EPM2AIP1: variants seen among roughly 807,000 people sequenced by gnomAD.
EPM2AIP1 encodes the protein EPM2A-interacting protein 1.
A neutral mutation model predicts 44.8 loss-of-function variants in EPM2AIP1; 23 were observed. That is an observed-to-expected ratio of 0.51 (90% confidence interval 0.37 to 0.73). The LOEUF (loss-of-function observed/expected upper bound fraction) is 0.73. EPM2AIP1 is among the 30% of genes least tolerant of loss of function. The pLI, the probability that EPM2AIP1 is intolerant of heterozygous loss-of-function variation, is 0.00. For missense variants in EPM2AIP1, 652 were observed against 743.9 expected, an observed-to-expected ratio of 0.88 and a Z score of 1.44; for synonymous variants, 311 against 284.3, an observed-to-expected ratio of 1.09 and a Z score of -0.94.
Position 36,993,006 on chromosome 3 carries a change from C to T in EPM2AIP1, c.72G>A (p.Gln24=). Residue 24 remains glutamine, a synonymous_variant, in exon 1 of 1, where the codon CAG becomes CAA. Coordinates refer to ENST00000322716, the MANE Select transcript of EPM2AIP1 (RefSeq NM_014805.4). ...CCGGAGGCTCCACCACCAAATAACGCTGGGTCCACTCGGGCCGGAAAACTA... is the reference window on the plus strand; with the variant it reads ...CCGGAGGCTCCACCACCAAATAACGTTGGGTCCACTCGGGCCGGAAAACTA... ...EALVFRPEWT[Q]RYLVVEPPEG... 2 of 1,612,900 alleles carry T rather than the reference C, an allele frequency of 1.2e-6. No homozygotes were observed. Among genetic ancestry groups the T allele is most frequent in the Non-Finnish European group, 8.5e-7 (1 of 1,179,692 alleles).
chr3:36,991,893 ACT>A lies in EPM2AIP1; in HGVS notation c.1183_1184del (p.Ser395Ter). 2 of 1,614,016 alleles carry A rather than the reference ACT, an allele frequency of 1.2e-6. No homozygotes were observed. Among genetic ancestry groups the A allele is most frequent in the Non-Finnish European group, 1.7e-6 (2 of 1,179,876 alleles). On this transcript the variant is annotated frameshift_variant, in exon 1 of 1. Coordinates refer to ENST00000322716, the MANE Select transcript of EPM2AIP1 (RefSeq NM_014805.4). LOFTEE classifies it high-confidence loss of function. ...AGACTTTACTAACTCGTAATTCTTC[ACT>A]GAGTTCTCGAAGGTGTTCCATAATG... The part of the protein sequence containing the change: ...VDIMEHLREL[S>X]EELRVSKVFA...
Position 36,991,718 on chromosome 3 carries a change from T to A in EPM2AIP1, c.1360A>T (p.Ile454Leu). ...ATTTGATACCTATCAGGATCAAATA[T>A]TTTTTCATCTTCCTTATTTTGCTGT... ...LKQQNKEDEK[I>L]FDPDRYQMVI... The change falls in exon 1 of 1, where the codon ATA (isoleucine) becomes TTA (leucine). Residue 454 changes from isoleucine to leucine, a missense_variant. By Grantham distance (5) the Ile-to-Leu change is conservative. Transcript: ENST00000322716. 6.2e-7 allele frequency: 1 copy of A among 1,613,682 alleles called. No individual in the cohort carries two copies. Among genetic ancestry groups the A allele is most frequent in the African/African-American group, 1.3e-5 (1 of 75,040 alleles).
chr3:36,991,950 T>C lies in EPM2AIP1; in HGVS notation c.1128A>G (p.Gln376=), dbSNP rs983941435. ...CCAAGAAGCCAAAGTCACAAAGCCA[T>C]TGTTTGTCTGAGAAGTGGACTGTTG... The part of the protein sequence containing the change: ...GATTVHFSDK[Q]WLCDFGFLVD... The change falls in exon 1 of 1, where the codon CAA becomes CAG. Residue 376 remains glutamine, a synonymous_variant. Transcript: ENST00000322716. The C allele has an allele frequency of 1.9e-6, 3 of 1,613,988 alleles. No individual in the cohort carries two copies. The highest frequency in any genetic ancestry group is 1.7e-6 in the Non-Finnish European group (2 of 1,179,882).
In EPM2AIP1 at chr3:36,992,046, T is replaced by C. The variant is rs946938072; in HGVS notation, c.1032A>G (p.Arg344=). Residue 344 remains arginine, a synonymous_variant, in exon 1 of 1, where the codon AGA becomes AGG. Coordinates refer to ENST00000322716, the MANE Select transcript of EPM2AIP1 (RefSeq NM_014805.4). The surrounding 1 kb of genome is among the most constrained non-coding windows in gnomAD (Gnocchi z 5.3). The stretch of plus-strand genomic sequence containing the variant: ...AGAATATTAGTTTTAAAGTTTTCCC[T>C]CTCCTAAGCCAATTGTTCAGACATC... ...NGRCLNNWLR[R]GKTLKLIFSL... 5.0e-6 allele frequency: 8 copies of C among 1,613,982 alleles called. No homozygotes were observed. Among genetic ancestry groups the C allele is most frequent in the Admixed American group, 3.3e-5 (2 of 60,014 alleles).
Position 36,991,288 on chromosome 3 carries a change from T to C in EPM2AIP1, c.1790A>G (p.Asp597Gly). The C allele has an allele frequency of 6.2e-7, 1 of 1,613,132 alleles. No homozygotes were observed. Among genetic ancestry groups the C allele is most frequent in the Non-Finnish European group, 8.5e-7 (1 of 1,179,200 alleles). The change falls in exon 1 of 1, where the codon GAC becomes GGC. Residue 597 changes from aspartate (D) to glycine (G), a missense_variant. Asp to Gly is a moderately conservative substitution (Grantham distance 94). Coordinates refer to ENST00000322716, the MANE Select transcript of EPM2AIP1 (RefSeq NM_014805.4). ...AGATTCATTTCTTTCTCTCACAAGG[T>C]CATCCCAACCGGGCTCCATTTCAGT... ...ATTEMEPGWDDLVRERNESNP is the reference protein window; with the variant it reads ...ATTEMEPGWDGLVRERNESNP
rs1420275539 is a variant in EPM2AIP1, at chr3:36,987,450, T to TA, written c.*3803dup. ...AATTTAAAAAAAAAAAAAAAATATA[T>TA]ATATATATATGACACTGTTTACAAA... On this transcript the variant is annotated 3_prime_UTR_variant, in exon 1 of 1. Transcript: ENST00000322716. 14 of 148,748 alleles carry TA rather than the reference T, an allele frequency of 9.4e-5. No individual in the cohort carries two copies. Among genetic ancestry groups the TA allele is most frequent in the African/African-American group, 3.4e-4 (14 of 40,910 alleles). The allele number at this position is 148,748 out of a possible 1,614,324, so 9.2% of individuals were successfully genotyped here.
chr3:36,992,272 C>T lies in EPM2AIP1; in HGVS notation c.806G>A (p.Ser269Asn). Reference sequence around the variant, plus strand: ...ATGAATGACATTCCAACAGTTGGGGCTTACGGCCTTTTCTCTCATGTATGA... The same window carrying T: ...ATGAATGACATTCCAACAGTTGGGGTTTACGGCCTTTTCTCTCATGTATGA... Reference protein sequence around the residue: ...LVSYMREKAVSPNCWNVIHYS... With the variant: ...LVSYMREKAVNPNCWNVIHYS... Residue 269 changes from serine to asparagine, a missense_variant, in exon 1 of 1, where the codon AGC becomes AAC. Transcript: ENST00000322716. The surrounding 1 kb of genome is among the most constrained non-coding windows in gnomAD (Gnocchi z 5.3). 1 of 1,613,970 alleles carries T rather than the reference C, an allele frequency of 6.2e-7. No individual in the cohort carries two copies. The highest frequency in any genetic ancestry group is 8.5e-7 in the Non-Finnish European group (1 of 1,179,890).
rs1253828354 is a variant in EPM2AIP1 at position 36,992,759 on chromosome 3, G to C, written c.319C>G (p.Leu107Val). Residue 107 changes from leucine to valine, a missense_variant, in exon 1 of 1, where the codon CTC becomes GTC. By Grantham distance (32) the Leu-to-Val change is conservative. Transcript: ENST00000322716. This position sits in a 1 kb window ranked among gnomAD's most constrained non-coding sequence, Gnocchi z 5.3. ...CAGCCGCGACCCTTCAAGGCCAAGA[G>C]GCGGCAGAGCCCGAGGCCTGCACGA... The part of the protein sequence containing the change: ...AARAGLGLCR[L>V]LALKGRGWGE... The C allele has an allele frequency of 1.1e-5, 17 of 1,613,718 alleles. No individual in the cohort carries two copies. The highest frequency in any genetic ancestry group is 1.3e-5 in the African/African-American group (1 of 74,944).
Position 36,992,226 on chromosome 3 carries a change from C to G in EPM2AIP1, c.852G>C (p.Leu284Phe), listed in dbSNP as rs773481069. The G allele has an allele frequency of 1.2e-6, 2 of 1,613,974 alleles. No individual in the cohort carries two copies. The highest frequency in any genetic ancestry group is 2.2e-5 in the East Asian group (1 of 44,888). ...CTACATCATAGGAGCTCAACAGTTC[C>G]AAGTGAAGAAATCCTGAATAATGAA... Reference protein sequence around the residue: ...NVIHYSGFLHLELLSSYDVDV... With the variant: ...NVIHYSGFLHFELLSSYDVDV... The change falls in exon 1 of 1, where the codon TTG (leucine) becomes TTC (phenylalanine). Residue 284 changes from leucine to phenylalanine, a missense_variant. By Grantham distance (22) the Leu-to-Phe change is conservative. Coordinates refer to ENST00000322716, the MANE Select transcript of EPM2AIP1 (RefSeq NM_014805.4). The surrounding 1 kb of genome is among the most constrained non-coding windows in gnomAD (Gnocchi z 5.3).
rs774653008 is a variant in EPM2AIP1 at position 36,992,585 on chromosome 3, G to A, written c.493C>T (p.Leu165Phe). 8.1e-6 allele frequency: 13 copies of A among 1,613,918 alleles called. No individual in the cohort carries two copies. The Admixed American group carries it at 8.3e-5, about 10-fold the overall frequency. Reference sequence around the variant, plus strand: ...TTAAAGTCCCTGGCTCGGTTAAAAAGCTGGTTGCGTAGATTCCTGTCAATG... The same window carrying A: ...TTAAAGTCCCTGGCTCGGTTAAAAAACTGGTTGCGTAGATTCCTGTCAATG... ...LSIDRNLRNQLFNRARDFKAY... is the reference protein window; with the variant it reads ...LSIDRNLRNQFFNRARDFKAY... The change falls in exon 1 of 1, where the codon CTT becomes TTT. Residue 165 changes from leucine to phenylalanine, a missense_variant. Leu to Phe is a conservative substitution (Grantham distance 22, BLOSUM62 0). Coordinates refer to ENST00000322716, the MANE Select transcript of EPM2AIP1 (RefSeq NM_014805.4). This position sits in a 1 kb window ranked among gnomAD's most constrained non-coding sequence, Gnocchi z 5.3.
rs752692722 is a variant in EPM2AIP1, at chr3:36,991,995, G to A, written c.1083C>T (p.Phe361=). Residue 361 remains phenylalanine, a synonymous_variant, in exon 1 of 1, where the codon TTC becomes TTT. Transcript: ENST00000322716. ...IFSLRKEMEA[F]LVSVGATTVH... Reference sequence around the variant, plus strand: ...CTGTTGTTGCCCCTACTGAAACCAAGAACGCTTCCATTTCTTTTCTTAGAG... The same window carrying A: ...CTGTTGTTGCCCCTACTGAAACCAAAAACGCTTCCATTTCTTTTCTTAGAG... 1 of 1,613,756 alleles carries A rather than the reference G, an allele frequency of 6.2e-7. No individual in the cohort carries two copies. The highest frequency in any genetic ancestry group is 8.5e-7 in the Non-Finnish European group (1 of 1,179,848).
rs560587638 is a variant in EPM2AIP1, at chr3:36,986,506, T to C, written c.*4748A>G. ...ATTAAAAGCCAGTTTTGCCGCCGGGTGCAGAGGCTCACACGTATAACACCA... is the reference window on the plus strand; with the variant it reads ...ATTAAAAGCCAGTTTTGCCGCCGGGCGCAGAGGCTCACACGTATAACACCA... On this transcript the variant is annotated 3_prime_UTR_variant, in exon 1 of 1. Coordinates refer to ENST00000322716, the MANE Select transcript of EPM2AIP1 (RefSeq NM_014805.4). The C allele has an allele frequency of 2.0e-5, 3 of 151,832 alleles. No homozygotes were observed. The East Asian group carries it at 5.8e-4, about 30-fold the overall frequency. 9.4% of individuals were successfully genotyped at this position (151,832 alleles called of 1,614,324 possible). A position where few individuals can be genotyped will look rare whatever the true frequency, so the allele number is the denominator to read the frequency against.
rs918827185 is a variant in EPM2AIP1, at chr3:36,987,461, G to A, written c.*3793C>T. The A allele has an allele frequency of 1.4e-5, 2 of 142,548 alleles. No homozygotes were observed. The highest frequency in any genetic ancestry group is 5.1e-5 in the African/African-American group (2 of 39,480). 8.8% of individuals were successfully genotyped at this position (142,548 alleles called of 1,614,324 possible). ...AAAAAAAAAATATATATATATATATGACACTGTTTACAAAGGGTAAAAAAA... is the reference window on the plus strand; with the variant it reads ...AAAAAAAAAATATATATATATATATAACACTGTTTACAAAGGGTAAAAAAA... On this transcript the variant is annotated 3_prime_UTR_variant, in exon 1 of 1. Coordinates refer to ENST00000322716, the MANE Select transcript of EPM2AIP1 (RefSeq NM_014805.4).
In EPM2AIP1 at chr3:36,988,987, CTTTTTTTTTTTTT is replaced by C. The variant is rs71091694; in HGVS notation, c.*2254_*2266del. 2 of 115,048 alleles carry C rather than the reference CTTTTTTTTTTTTT, an allele frequency of 1.7e-5. No individual in the cohort carries two copies. The highest frequency in any genetic ancestry group is 6.7e-5 in the African/African-American group (2 of 29,680). 7.1% of individuals were successfully genotyped at this position (115,048 alleles called of 1,614,324 possible). On this transcript the variant is annotated 3_prime_UTR_variant, in exon 1 of 1. Transcript: ENST00000322716. ...CAGTAAAATACACTTTTTTCTTTTT[CTTTTTTTTTTTTT>C]TTTTTTACAAACAAGACTAGCTTAT... is the stretch of plus-strand genomic sequence containing the variant.
chr3:36,990,546 A>G lies in EPM2AIP1; in HGVS notation c.*708T>C, dbSNP rs2080796392. The G allele has an allele frequency of 1.0e-6, 1 of 985,652 alleles. No homozygotes were observed. The highest frequency in any genetic ancestry group is 4.7e-5 in the South Asian group (1 of 21,292). The allele number at this position is 985,652 out of a possible 1,614,324, so 61.1% of individuals were successfully genotyped here. On this transcript the variant is annotated 3_prime_UTR_variant, in exon 1 of 1. Transcript: ENST00000322716. Reference sequence around the variant, plus strand: ...GATAAAATAGCCCCCAGTTATTAAAAAAAAAATCCAAGGAAAACCCCCAAT... The same window carrying G: ...GATAAAATAGCCCCCAGTTATTAAAGAAAAAATCCAAGGAAAACCCCCAAT...
rs1397454614 is a variant in EPM2AIP1 at position 36,990,353 on chromosome 3, A to C, written c.*901T>G. On this transcript the variant is annotated 3_prime_UTR_variant, in exon 1 of 1. Transcript: ENST00000322716. Reference sequence around the variant, plus strand: ...GCAGCAATACCCACGCAGATAAGACAAAAAAGCTAAAATATCTCACACCTC... The same window carrying C: ...GCAGCAATACCCACGCAGATAAGACCAAAAAGCTAAAATATCTCACACCTC... The C allele has an allele frequency of 3.1e-6, 3 of 954,246 alleles. No individual in the cohort carries two copies. The highest frequency in any genetic ancestry group is 3.7e-6 in the Non-Finnish European group (3 of 801,342). 59.1% of individuals were successfully genotyped at this position (954,246 alleles called of 1,614,324 possible). A position where few individuals can be genotyped will look rare whatever the true frequency, so the allele number is the denominator to read the frequency against.
In EPM2AIP1 at chr3:36,991,605, T is replaced by C. The variant is rs748843893; in HGVS notation, c.1473A>G (p.Pro491=). 19 of 1,613,330 alleles carry C rather than the reference T, an allele frequency of 1.2e-5. No individual in the cohort carries two copies. The highest frequency in any genetic ancestry group is 1.5e-5 in the Non-Finnish European group (18 of 1,179,742). The change falls in exon 1 of 1, where the codon CCA becomes CCG. Residue 491 remains proline, a synonymous_variant. Transcript: ENST00000322716. ...IKKDLELFSN[P]FNFKPEYAPI... Reference sequence around the variant, plus strand: ...GTGCATATTCAGGTTTAAAGTTAAATGGATTTGAAAAAAGTTCTAAGTCCT... The same window carrying C: ...GTGCATATTCAGGTTTAAAGTTAAACGGATTTGAAAAAAGTTCTAAGTCCT...
In EPM2AIP1 at chr3:36,992,556, G is replaced by A. The variant is rs2080833727; in HGVS notation, c.522C>T (p.Ala174=). 6.2e-7 allele frequency: 1 copy of A among 1,614,024 alleles called. No homozygotes were observed. The highest frequency in any genetic ancestry group is 1.3e-5 in the African/African-American group (1 of 75,048). Residue 174 remains alanine, a synonymous_variant, in exon 1 of 1, where the codon GCC becomes GCT. Transcript: ENST00000322716. The surrounding 1 kb of genome is among the most constrained non-coding windows in gnomAD (Gnocchi z 5.3). ...QLFNRARDFK[A]YSLALDDQAF... ...CCTGGTCGTCCAAGGCAAGAGAATA[G>A]GCTTTAAAGTCCCTGGCTCGGTTAA...
chr3:36,993,117 GC>G lies in EPM2AIP1; in HGVS notation c.-41del, dbSNP rs1263177882. On this transcript the variant is annotated 5_prime_UTR_variant, in exon 1 of 1. Transcript: ENST00000322716. ...CAAGAGCAGGGCCAACGTTAGAAAG[GC>G]CGCAAGGGGAGAGGAGGAGCCTGAG... 1.3e-6 allele frequency: 2 copies of G among 1,559,606 alleles called. No individual in the cohort carries two copies. The highest frequency in any genetic ancestry group is 1.7e-6 in the Non-Finnish European group (2 of 1,151,440).
Sources: gnomAD v4.1 joint callset for allele counts on GRCh38, gnomAD v4.1.1 for gene constraint, Gnocchi (gnomAD v3.1) non-coding constraint, MANE v1.5 for transcripts, NCBI Gene and HGNC (gene_info 2026-07-23, HGNC 2026-07-21) for gene names.